Variants in NEXMIF observed in about 807,000 individuals in gnomAD.
NEXMIF encodes neurite extension and migration factor, also known as XLMR protein related to neurite extension.
A neutral mutation model predicts 62.1 loss-of-function variants in NEXMIF; 8 were observed. The ratio of observed to expected loss-of-function variants is 0.13; its 90% CI spans 0.08 to 0.23. The LOEUF is 0.23. NEXMIF is among the 10% of genes least tolerant of loss of function. NEXMIF has a pLI of 1.00. For missense variants in NEXMIF, 976 were observed against 1,113.3 expected, an observed-to-expected ratio of 0.88 and a Z score of 1.75; for synonymous variants, 404 against 416.6, an observed-to-expected ratio of 0.97 and a Z score of 0.37.
Position 74,741,934 on chromosome X carries a change from A to C in NEXMIF, c.2623T>G (p.Ser875Ala). The C allele has an allele frequency of 8.3e-7, 1 of 1,211,595 alleles. No homozygotes were observed. Among genetic ancestry groups the C allele is most frequent in the African/African-American group, 1.7e-5 (1 of 57,779 alleles). ...SSSDSELQQS[S>A]HNFKMESSNY... is the part of the protein sequence containing the mutation. ...CTTGATTCCATTTTGAAGTTATGAG[A>C]TGACTGCTGCAGCTCAGAGTCAGAG... is the stretch of plus-strand genomic sequence containing the variant. Residue 875 changes from serine to alanine, a missense_variant, in exon 3 of 4, where the codon TCT becomes GCT. By Grantham distance (99) the Ser-to-Ala change is moderately conservative. Coordinates refer to ENST00000055682, the MANE Select transcript of NEXMIF (RefSeq NM_001008537.3).
intron 1 of NEXMIF, among the ~76,000 whole-genome samples, chrX:74,860,487 A>G (rs967023830): frequency 1.8e-5 from 2 of 112,201 alleles, no homozygotes; most frequent in African/African-American, 3.2e-5. Flanking sequence ...TATCATTCTC[A>G]AAGAGACCAT....
rs189355247 is a variant in NEXMIF, at chrX:74,739,492, G to A, written c.4464C>T (p.Ser1488=). ...GTASFEKLRD[S]DYNLLKAETT... The stretch of plus-strand genomic sequence containing the variant: ...TTTCTGCTTTTAGGAGATTGTAGTC[G>A]GAATCCCTGCAGAAAAATCAAACAA... Residue 1488 remains serine (S), a synonymous_variant, in exon 4 of 4, where the codon TCC becomes TCT. Transcript: ENST00000055682. The A allele has an allele frequency of 1.8e-5, 21 of 1,181,365 alleles. No individual in the cohort carries two copies. Among genetic ancestry groups the A allele is most frequent in the African/African-American group, 5.4e-5 (3 of 55,479 alleles).
At chrX:74,849,007 C>A (rs1187687217) in intron 1 of NEXMIF, among the ~76,000 whole-genome samples, 1 of 111,904 alleles carries the variant, frequency 8.9e-6, no homozygotes, top group Non-Finnish European at 1.9e-5. Flanking sequence ...TCTGTTGTTT[C>A]TAAGCCAGCC....
chrX:74,857,367 G>T (rs900352238), intron 1 of NEXMIF, among the ~76,000 whole-genome samples: 1 of 112,269 alleles, frequency 8.9e-6, no homozygotes, highest in African/African-American at 3.2e-5. Flanking sequence ...TAGCACCCCA[G>T]TTCCAGGCCC....
intron 1 of NEXMIF, among the ~76,000 whole-genome samples, chrX:74,898,111 G>A (rs185149488): frequency 2.7e-5 from 3 of 111,714 alleles, no homozygotes; most frequent in African/African-American, 6.5e-5. Context: ...TGCCCAAAGT[G>A]ATTATTTCCA....
chrX:74,899,233 A>G (rs2080741605), intron 1 of NEXMIF, among the ~76,000 whole-genome samples: 1 of 111,885 alleles, frequency 8.9e-6, no homozygotes, highest in Non-Finnish European at 1.9e-5. Flanking sequence ...CAGAAAAATT[A>G]GGCAAAAGAA....
intron 3 of NEXMIF, 128 bp from the exon 4 acceptor site, chrX:74,739,626 G>T: frequency 2.3e-6 from 1 of 434,562 alleles, no homozygotes; most frequent in Non-Finnish European, 4.0e-6. Flanking sequence ...GATACAAATA[G>T]CATGGGGCAC....
Position 74,859,855 on chromosome X carries a change from G to A in NEXMIF, c.-48+65028C>T, listed in dbSNP as rs771741603. On this transcript the variant is annotated intron_variant, in intron 1 of 3. Coordinates refer to ENST00000055682, the MANE Select transcript of NEXMIF (RefSeq NM_001008537.3). ...TGTTGTTGTCAGCTTAAAAAGCCTC[G>A]TGGTAACCTCAAATCAAGTAACATA... 3.6e-5 allele frequency among the ~76,000 whole-genome samples: 4 copies of A among 110,889 alleles called. No individual in the cohort carries two copies. In the Admixed American group the frequency reaches 3.9e-4, roughly 11 times the overall value.
chrX:74,919,556 A>T (rs1422477706), intron 1 of NEXMIF, among the ~76,000 whole-genome samples: 1 of 111,400 alleles, frequency 9.0e-6, no homozygotes, highest in Admixed American at 9.5e-5. Context: ...TGGTCACTCT[A>T]CTTATAGTCC....
At chrX:74,747,003 G>T (rs1007288795) in intron 1 of NEXMIF, among the ~76,000 whole-genome samples, 14 of 112,149 alleles carry the variant, frequency 1.2e-4, no homozygotes, top group African/African-American at 4.5e-4. Context: ...CCCACCCTTT[G>T]TCAAGGAGGG....
chrX:74,922,240 T>C (rs2080829401), intron 1 of NEXMIF, among the ~76,000 whole-genome samples: 1 of 111,113 alleles, frequency 9.0e-6, no homozygotes, highest in Non-Finnish European at 1.9e-5. Flanking sequence ...AACCAGAAGA[T>C]TGTGGAAAAA....
intron 1 of NEXMIF, among the ~76,000 whole-genome samples, chrX:74,873,292 C>T (rs746334004): frequency 9.0e-6 from 1 of 111,569 alleles, no homozygotes; most frequent in African/African-American, 3.3e-5. Flanking sequence ...TTTCCACATT[C>T]GTCCATGTCC....
chrX:74,806,920 A>T lies in NEXMIF; in HGVS notation c.-47-61223T>A, dbSNP rs188617915. Among the ~76,000 whole-genome samples, 8 of 112,911 alleles carry T rather than the reference A, an allele frequency of 7.1e-5. No homozygotes were observed. The South Asian group carries it at 1.1e-3, about 15-fold the overall frequency. On this transcript the variant is annotated intron_variant, in intron 1 of 3. Coordinates refer to ENST00000055682, the MANE Select transcript of NEXMIF (RefSeq NM_001008537.3). ...TTCCATTATCTATTTGTCTGTTGCC[A>T]ATTCCACAACGTTTTGATTACTGTA...
intron 1 of NEXMIF, among the ~76,000 whole-genome samples, chrX:74,799,655 G>A (rs1006634251): frequency 9.0e-6 from 1 of 110,949 alleles, no homozygotes; most frequent in East Asian, 2.9e-4. Flanking sequence ...TTTGGAGACA[G>A]GGTCTTGCTC....
intron 1 of NEXMIF, among the ~76,000 whole-genome samples, chrX:74,900,474 A>AAAAAAAAAG (rs776919178): frequency 9.4e-6 from 1 of 106,010 alleles, no homozygotes; most frequent in Non-Finnish European, 1.9e-5. Context: ...AAAAAAAAAA[A>AAAAAAAAAG]AAAAAGAAAA....
At chrX:74,758,847 A>G (rs926095828) in intron 1 of NEXMIF, among the ~76,000 whole-genome samples, 1 of 112,262 alleles carries the variant, frequency 8.9e-6, no homozygotes, top group Non-Finnish European at 1.9e-5. Context: ...TATTGTGAAT[A>G]GTGCTGCAAT....
chrX:74,917,809 G>A (rs1332218215), intron 1 of NEXMIF, among the ~76,000 whole-genome samples: 1 of 111,454 alleles, frequency 9.0e-6, no homozygotes, highest in Non-Finnish European at 1.9e-5. Context: ...GAGCTTTTAT[G>A]GAATATATTT....
At chrX:74,850,690 C>T (rs1459335461) in intron 1 of NEXMIF, among the ~76,000 whole-genome samples, 1 of 111,158 alleles carries the variant, frequency 9.0e-6, no homozygotes, top group African/African-American at 3.3e-5. Context: ...CCCTACCCAG[C>T]CAACACAACA....
intron 1 of NEXMIF, among the ~76,000 whole-genome samples, chrX:74,803,554 C>T (rs940366056): frequency 4.9e-4 from 53 of 108,344 alleles, no homozygotes; most frequent in African/African-American, 1.6e-3. Context: ...GGCAACAGAG[C>T]GAGACTCTGT....
Sources: allele counts gnomAD v4.1 joint callset (sites outside exome capture counted in the v4.1 genomes callset), GRCh38; gene constraint gnomAD v4.1.1; transcripts MANE v1.5; gene names NCBI Gene and HGNC (gene_info 2026-07-23, HGNC 2026-07-21).